The following GPC5 variants were observed in gnomAD, a reference collection of about 807,000 sequenced individuals.
GPC5 encodes glypican 5.
GPC5 carries 47 observed loss-of-function variants against 53.9 expected under a neutral mutation model. The ratio of observed to expected loss-of-function variants is 0.87; its 90% CI spans 0.69 to 1.11. GPC5 has a LOEUF of 1.11. Among genes scored for constraint, GPC5 ranks in the 50% most tolerant of loss-of-function variants. The pLI, the probability that GPC5 is intolerant of heterozygous loss-of-function variation, is 0.00. For synonymous variants in GPC5, 286 were observed against 263.3 expected (o/e 1.09, Z -0.84); for missense variants, 748 against 713.1 (o/e 1.05, Z -0.56).
intron 7 of GPC5, among the ~76,000 whole-genome samples, chr13:92,226,549 GA>G (rs1324716225): frequency 6.6e-6 from 1 of 151,500 alleles, no homozygotes; most frequent in Non-Finnish European, 1.5e-5. Context: ...GAAGTAAAAT[GA>G]AAAACACAAT....
At chr13:92,831,779 G>A (rs1275200356) in intron 7 of GPC5, among the ~76,000 whole-genome samples, 1 of 152,134 alleles carries the variant, frequency 6.6e-6, no homozygotes, top group Non-Finnish European at 1.5e-5. Flanking sequence ...TTTCCCTGTT[G>A]ATTGCCTTCC....
At chr13:91,912,635 T>C (rs2039619977) in intron 6 of GPC5, among the ~76,000 whole-genome samples, 1 of 152,156 alleles carries the variant, frequency 6.6e-6, no homozygotes, top group South Asian at 2.1e-4. Context: ...CATTAAATAT[T>C]CTGCTATCTG....
intron 7 of GPC5, among the ~76,000 whole-genome samples, chr13:92,298,602 C>T (rs977458382): frequency 6.6e-6 from 1 of 152,202 alleles, no homozygotes; most frequent in African/African-American, 2.4e-5. Flanking sequence ...AGTTTTCCCC[C>T]TGGGGGTGTG....
chr13:91,871,551 C>A (rs2039144757), intron 5 of GPC5, among the ~76,000 whole-genome samples: 1 of 152,058 alleles, frequency 6.6e-6, no homozygotes, highest in Admixed American at 6.6e-5. Context: ...ATAGTACTAC[C>A]TTTAAAATTA....
intron 6 of GPC5, among the ~76,000 whole-genome samples, chr13:92,047,807 A>G (rs560399127): frequency 5.0e-5 from 2 of 40,146 alleles, no homozygotes; most frequent in South Asian, 5.7e-4. Context: ...TGTCTCTACT[A>G]AAAAAAAAAA....
intron 6 of GPC5, among the ~76,000 whole-genome samples, chr13:92,020,559 T>G (rs931432507): frequency 7.9e-5 from 12 of 152,108 alleles, no homozygotes; most frequent in Non-Finnish European, 1.2e-4. Flanking sequence ...CTCTGATGAT[T>G]AGTGACACTG....
At chr13:92,227,255 T>C (rs1247654406) in intron 7 of GPC5, among the ~76,000 whole-genome samples, 2 of 152,180 alleles carry the variant, frequency 1.3e-5, no homozygotes, top group African/African-American at 4.8e-5. Flanking sequence ...CCAGGCCCCT[T>C]TCTTTGCTTT....
intron 7 of GPC5, among the ~76,000 whole-genome samples, chr13:92,472,429 C>T (rs754775995): frequency 1.3e-5 from 2 of 152,030 alleles, no homozygotes; most frequent in African/African-American, 2.4e-5. Flanking sequence ...AGTTAGCTCA[C>T]GTGCAATGTT....
At chr13:92,256,778 A>T (rs1191719232) in intron 7 of GPC5, among the ~76,000 whole-genome samples, 1 of 151,730 alleles carries the variant, frequency 6.6e-6, no homozygotes, top group Non-Finnish European at 1.5e-5. Flanking sequence ...ACACATTCCC[A>T]TGTGTTCCCT....
chr13:91,982,543 T>G (rs1312056674), intron 6 of GPC5, among the ~76,000 whole-genome samples: 1 of 151,294 alleles, frequency 6.6e-6, no homozygotes, highest in African/African-American at 2.4e-5. Context: ...CACAGTTAGC[T>G]GAAGAGCATT....
chr13:92,756,260 G>A (rs1174373045), intron 7 of GPC5, among the ~76,000 whole-genome samples: 1 of 151,894 alleles, frequency 6.6e-6, no homozygotes, highest in East Asian at 1.9e-4. Flanking sequence ...TGCAGAAAAG[G>A]CCTTTGACAA....
chr13:91,460,055 G>T (rs544942880), intron 2 of GPC5, among the ~76,000 whole-genome samples: 1 of 152,056 alleles, frequency 6.6e-6, no homozygotes, highest in Non-Finnish European at 1.5e-5. Flanking sequence ...TGAGAAATTT[G>T]TTTTCACTTT....
chr13:91,423,252 A>C (rs1878770044), intron 1 of GPC5, among the ~76,000 whole-genome samples: 1 of 152,228 alleles, frequency 6.6e-6, no homozygotes, highest in Non-Finnish European at 1.5e-5. Flanking sequence ...TTTTGGAGCC[A>C]CACTGCCAGG....
At chr13:92,458,303 T>G (rs78152449) in intron 7 of GPC5, among the ~76,000 whole-genome samples, 8,162 of 65,986 alleles carry the variant, frequency 0.12, 311 homozygotes, top group Middle Eastern at 0.23. Flanking sequence ...ATTCTTTTTT[T>G]GGGGGGGGCA....
intron 7 of GPC5, among the ~76,000 whole-genome samples, chr13:92,489,220 T>C (rs1045358345): frequency 6.6e-6 from 1 of 152,176 alleles, no homozygotes; most frequent in South Asian, 2.1e-4. Context: ...AAATCCTTCA[T>C]TTTCATGTAC....
At chr13:91,943,979 G>A (rs191286507) in intron 6 of GPC5, among the ~76,000 whole-genome samples, 1 of 151,918 alleles carries the variant, frequency 6.6e-6, no homozygotes, top group East Asian at 1.9e-4. Flanking sequence ...CTACCTAATG[G>A]TTCCCCACAA....
Position 91,682,832 on chromosome 13 carries a change from A to G in GPC5, c.326-10355A>G, listed in dbSNP as rs75323040. On this transcript the variant is annotated intron_variant, in intron 2 of 7. Coordinates refer to ENST00000377067, the MANE Select transcript of GPC5 (RefSeq NM_004466.6). ...ATCTACTTTATTACAGACAAAATTG[A>G]TGCTTAGAGAGGTTAAATAGCTCAC... 2.6e-5 allele frequency among the ~76,000 whole-genome samples: 4 copies of G among 152,334 alleles called. No homozygotes were observed. The East Asian group carries it at 7.7e-4, about 29-fold the overall frequency.
Position 92,210,565 on chromosome 13 carries a change from T to C in GPC5, c.1561+65576T>C, listed in dbSNP as rs534549916. Among the ~76,000 whole-genome samples, 8 of 152,306 alleles carry C rather than the reference T, an allele frequency of 5.3e-5. No individual in the cohort carries two copies. In the East Asian group the frequency reaches 1.5e-3, roughly 29 times the overall value. The stretch of plus-strand genomic sequence containing the variant: ...TGAACCTCTCCAGTTTCTAATAATA[T>C]ATGAATAACAATTTATAACAGTGGT... On this transcript the variant is annotated intron_variant, in intron 7 of 7. Transcript: ENST00000377067.
At chr13:91,651,750 A>G (rs1004029637) in intron 2 of GPC5, among the ~76,000 whole-genome samples, 8 of 152,124 alleles carry the variant, frequency 5.3e-5, no homozygotes, top group South Asian at 2.1e-4. Flanking sequence ...ATAAAGATAA[A>G]TGTTCTATAT....
Sources: gnomAD v4.1 joint callset for allele counts (sites outside exome capture counted in the v4.1 genomes callset) on GRCh38, gnomAD v4.1.1 for gene constraint, MANE v1.5 for transcripts, NCBI Gene and HGNC (gene_info 2026-07-23, HGNC 2026-07-21) for gene names.